The following COL4A4 variants were observed in gnomAD, a reference collection of about 807,000 sequenced individuals.
COL4A4 encodes collagen alpha-4(IV) chain.
COL4A4 carries 105 observed loss-of-function variants against 192.9 expected under a neutral mutation model. That is an observed-to-expected ratio of 0.54 (90% CI 0.46 to 0.64). The LOEUF is 0.64. COL4A4 is among the 30% of genes least tolerant of loss of function. The pLI, the probability that COL4A4 is intolerant of heterozygous loss-of-function variation, is 0.00. For synonymous variants in COL4A4, 762 were observed against 769.9 expected (o/e 0.99, Z 0.17); for missense variants, 1,967 against 2,169.3 (o/e 0.91, Z 1.85).
At chr2:227,065,684 C>A (rs1029158379) in intron 25 of COL4A4, among the ~76,000 whole-genome samples, 1 of 151,892 alleles carries the variant, frequency 6.6e-6, no homozygotes, top group African/African-American at 2.4e-5. Flanking sequence ...AGAAGGAAAA[C>A]TAACAAACAG....
intron 22 of COL4A4, among the ~76,000 whole-genome samples, chr2:227,082,944 C>T: frequency 6.6e-6 from 1 of 152,068 alleles, no homozygotes; most frequent in East Asian, 1.9e-4. Flanking sequence ...ATTATGGGAA[C>T]CTGGCTGGGT....
chr2:227,057,381 A>C (rs1975687614), intron 29 of COL4A4, 58 bp downstream of exon 29: 2 of 1,532,024 alleles, frequency 1.3e-6, no homozygotes, highest in African/African-American at 1.4e-5. Context: ...GTAAAAGGGG[A>C]GCTTATTTAA....
At chr2:227,070,420 G>A (rs1158219375) in intron 25 of COL4A4, among the ~76,000 whole-genome samples, 9 of 152,008 alleles carry the variant, frequency 5.9e-5, no homozygotes, top group East Asian at 1.9e-4. Flanking sequence ...ACATGCACAC[G>A]TATGTTTATT....
At chr2:227,101,967 T>A (rs1327819093) in intron 15 of COL4A4, 58 bp from the exon 16 acceptor site, 13 of 1,260,234 alleles carry the variant, frequency 1.0e-5, no homozygotes, top group Non-Finnish European at 1.5e-5. Flanking sequence ...ATTAACCAGC[T>A]CAGTGCATCA....
At chr2:227,052,635 A>G (rs1366409292) in intron 31 of COL4A4, among the ~76,000 whole-genome samples, 1 of 152,202 alleles carries the variant, frequency 6.6e-6, no homozygotes, top group African/African-American at 2.4e-5. Context: ...CTGGTGTGCC[A>G]GGAGTGCTCA....
chr2:226,995,843 T>TCA, the COL4A4 span: 5 of 301,454 alleles, frequency 1.7e-5, no homozygotes, highest in Admixed American at 2.0e-4. Context: ...ACTGTGACCT[T>TCA]CACCAGGAGG....
Position 227,059,471 on chromosome 2 carries a change from T to G in COL4A4, c.2317A>C (p.Arg773=). 1.2e-6 allele frequency: 2 copies of G among 1,614,094 alleles called. No individual in the cohort carries two copies. The highest frequency in any genetic ancestry group is 1.7e-6 in the Non-Finnish European group (2 of 1,180,020). The change falls in exon 28 of 48, where the codon AGG becomes CGG. Residue 773 remains arginine (R), a synonymous_variant. Coordinates refer to ENST00000396625, the MANE Select transcript of COL4A4 (RefSeq NM_000092.5). ...AFGHLGPPGK[R]GLSGVPGIKG... ...ATCCCTGGCACTCCTGAAAGACCCC[T>G]CTTTCCCGGGGGTCCCAGGTGACCA...
At chr2:227,021,397 T>C (rs1397965715) in intron 44 of COL4A4, among the ~76,000 whole-genome samples, 2 of 152,182 alleles carry the variant, frequency 1.3e-5, no homozygotes, top group Non-Finnish European at 2.9e-5. Flanking sequence ...TTCAATTGTT[T>C]TTAACTCAAA....
intron 1 of COL4A4, among the ~76,000 whole-genome samples, chr2:227,160,412 CTGTGTCA>C (rs938408492): frequency 1.7e-4 from 26 of 152,114 alleles, no homozygotes; most frequent in Non-Finnish European, 3.5e-4. Context: ...TAGAAGTAGC[CTGTGTCA>C]CATCTAGGAG....
chr2:227,052,631 T>C lies in COL4A4; in HGVS notation c.2861-219A>G, dbSNP rs997249623. On this transcript the variant is annotated intron_variant, in intron 31 of 47. Transcript: ENST00000396625. Reference sequence around the variant, plus strand: ...ATTTGTCCAGCCACAGAGTCTGGTGTGCCAGGAGTGCTCACTGAATGTTTG... The same window carrying C: ...ATTTGTCCAGCCACAGAGTCTGGTGCGCCAGGAGTGCTCACTGAATGTTTG... Among the ~76,000 whole-genome samples the C allele has an allele frequency of 5.9e-5, 9 of 152,328 alleles. No homozygotes were observed. The East Asian group carries it at 1.7e-3, about 29-fold the overall frequency.
chr2:226,971,036 CG>C, the COL4A4 span, among the ~76,000 whole-genome samples: 1 of 152,170 alleles, frequency 6.6e-6, no homozygotes, highest in Admixed American at 6.5e-5. Flanking sequence ...TGGTACATTT[CG>C]TAGACACTTA....
chr2:226,993,243 G>C, the COL4A4 span, among the ~76,000 whole-genome samples: 1 of 152,202 alleles, frequency 6.6e-6, no homozygotes, highest in Non-Finnish European at 1.5e-5. Context: ...AGAGGACTCT[G>C]TGTTTCCCTC....
chr2:227,044,118 A>T (rs368964654), intron 35 of COL4A4, among the ~76,000 whole-genome samples: 8 of 152,338 alleles, frequency 5.3e-5, no homozygotes, highest in African/African-American at 1.7e-4. Flanking sequence ...ACAGGTTGCC[A>T]GTAGTTTGGA....
At chr2:227,151,414 C>T (rs1389766987) in intron 1 of COL4A4, among the ~76,000 whole-genome samples, 2 of 152,052 alleles carry the variant, frequency 1.3e-5, no homozygotes, top group African/African-American at 2.4e-5. Flanking sequence ...CTTTTTATTT[C>T]GTATCAGCTT....
chr2:227,062,532 G>A lies in COL4A4; in HGVS notation c.2054C>T (p.Pro685Leu). Residue 685 changes from proline (P) to leucine (L), a missense_variant and splice_region_variant, in exon 26 of 48, where the codon CCA becomes CTA. Pro to Leu is a moderately conservative substitution (Grantham distance 98). Transcript: ENST00000396625. ...CAGTAACTTCTCATTGATAATACCTGGAGGTCCATCAAAACCTGGAGGGCC... is the reference window on the plus strand; with the variant it reads ...CAGTAACTTCTCATTGATAATACCTAGAGGTCCATCAAAACCTGGAGGGCC... ...RHGPPGFDGP[P>L]GPKGFPGPQG... 1 of 1,587,472 alleles carries A rather than the reference G, an allele frequency of 6.3e-7. No homozygotes were observed. Among genetic ancestry groups the A allele is most frequent in the South Asian group, 1.1e-5 (1 of 90,526 alleles).
At chr2:226,972,749 C>T in the COL4A4 span, among the ~76,000 whole-genome samples, 1 of 152,182 alleles carries the variant, frequency 6.6e-6, no homozygotes, top group Non-Finnish European at 1.5e-5. Flanking sequence ...GGGCTCTCTG[C>T]TCACACTCGG....
intron 22 of COL4A4, among the ~76,000 whole-genome samples, chr2:227,082,738 T>A (rs1394017482): frequency 2.6e-5 from 4 of 152,194 alleles, no homozygotes; most frequent in Admixed American, 2.6e-4. Context: ...GACGTCCTGC[T>A]AAGGAAAGTT....
At position 227,004,651 on chromosome 2, in the gene COL4A4, C is replaced by T. The variant is rs189855639; in HGVS notation, c.*2674G>A. ...CGGGGCTAAAGAGGAGGTAGCCATC[C>T]AAAGCAGCGATGACTCAGCTTTCAA... On this transcript the variant is annotated 3_prime_UTR_variant, in exon 48 of 48. Coordinates refer to ENST00000396625, the MANE Select transcript of COL4A4 (RefSeq NM_000092.5). 3 of 152,292 alleles carry T rather than the reference C, an allele frequency of 2.0e-5. No individual in the cohort carries two copies. The East Asian group carries it at 5.8e-4, about 29-fold the overall frequency. 9.4% of individuals were successfully genotyped at this position (152,292 alleles called of 1,614,324 possible). A position where few individuals can be genotyped will look rare whatever the true frequency, so the allele number is the denominator to read the frequency against.
intron 1 of COL4A4, among the ~76,000 whole-genome samples, chr2:227,159,201 C>T (rs927186257): frequency 4.6e-5 from 7 of 152,224 alleles, no homozygotes; most frequent in Non-Finnish European, 1.0e-4. Flanking sequence ...GTCAGAGAAG[C>T]CAGATGTAAG....
Sources: allele counts gnomAD v4.1 joint callset (sites outside exome capture counted in the v4.1 genomes callset), GRCh38; gene constraint gnomAD v4.1.1; transcripts MANE v1.5; gene names NCBI Gene and HGNC (gene_info 2026-07-23, HGNC 2026-07-21).